Variants in CCR3 observed in about 807,000 individuals in gnomAD.
CCR3 encodes C-C motif chemokine receptor 3.
For missense variants in CCR3, 419 were observed against 437.5 expected (o/e 0.96, Z 0.38); for synonymous variants, 203 against 179.2 (o/e 1.13, Z -1.06).
chr3:46,231,288 A>T (rs540794676), intron 2 of CCR3, among the ~76,000 whole-genome samples: 1 of 152,258 alleles, frequency 6.6e-6, no homozygotes, highest in East Asian at 1.9e-4. Flanking sequence ...ACAGCACTCC[A>T]TATGGAAATG....
At chr3:46,264,358 A>G in intron 1 of CCR3, 1 of 1,283,096 alleles carries the variant, frequency 7.8e-7, no homozygotes. Context: ...GTACATGTGT[A>G]ACAGACAAAA....
At chr3:46,219,818 TCA>T (rs1699814741) in intron 2 of CCR3, among the ~76,000 whole-genome samples, 1 of 152,118 alleles carries the variant, frequency 6.6e-6, no homozygotes, top group African/African-American at 2.4e-5. Flanking sequence ...TCCTCATCTC[TCA>T]CCTTAGACAA....
At chr3:46,224,840 T>C (rs1380210890) in intron 2 of CCR3, among the ~76,000 whole-genome samples, 1 of 151,680 alleles carries the variant, frequency 6.6e-6, no homozygotes, top group Non-Finnish European at 1.5e-5. Context: ...TCTCACACCA[T>C]GCTGGTGCAA....
chr3:46,235,605 G>A (rs559745085), intron 2 of CCR3, among the ~76,000 whole-genome samples: 8 of 152,204 alleles, frequency 5.3e-5, no homozygotes, highest in Non-Finnish European at 1.0e-4. Flanking sequence ...TGTATAGAGT[G>A]CCCTTGACAT....
In CCR3 at chr3:46,232,561, A is replaced by G. The variant is rs1699977451; in HGVS notation, c.-67-9841A>G. ...CCCTGTGTGCTCAGTCATTGGAAGC[A>G]CAACATTGATTTCAGAGCCTGCAGA... On this transcript the variant is annotated intron_variant, in intron 2 of 3. Coordinates refer to the CCR3 transcript ENST00000357422. Among the ~76,000 whole-genome samples the G allele has an allele frequency of 2.0e-5, 3 of 152,232 alleles. No homozygotes were observed. In the South Asian group the frequency reaches 6.2e-4, roughly 32 times the overall value.
intron 2 of CCR3, among the ~76,000 whole-genome samples, chr3:46,231,948 A>G (rs1024096446): frequency 8.5e-5 from 13 of 152,332 alleles, no homozygotes; most frequent in Non-Finnish European, 8.8e-5. Flanking sequence ...GGAAATAAGA[A>G]CTTCACATAT....
chr3:46,235,427 G>C (rs1700013769), intron 2 of CCR3, among the ~76,000 whole-genome samples: 1 of 152,146 alleles, frequency 6.6e-6, no homozygotes, highest in Non-Finnish European at 1.5e-5. Context: ...CTTCTCATAG[G>C]CTAGCTCACC....
intron 1 of CCR3, among the ~76,000 whole-genome samples, chr3:46,259,732 G>A (rs1047286242): frequency 2.0e-5 from 3 of 152,158 alleles, no homozygotes; most frequent in Non-Finnish European, 4.4e-5. Context: ...AAAAAAGACT[G>A]TATGTAGAAT....
chr3:46,244,367 A>C (rs1235007627), intron 1 of CCR3, among the ~76,000 whole-genome samples: 1 of 152,232 alleles, frequency 6.6e-6, no homozygotes, highest in Non-Finnish European at 1.5e-5. Flanking sequence ...CAAGTGTACT[A>C]TCTTTCATGC....
intron 1 of CCR3, among the ~76,000 whole-genome samples, chr3:46,243,697 G>C (rs908624777): frequency 6.6e-6 from 1 of 152,164 alleles, no homozygotes; most frequent in Non-Finnish European, 1.5e-5. Flanking sequence ...TCCAGAAAAT[G>C]GTGATGATTA....
chr3:46,246,877 A>T lies in CCR3; in HGVS notation c.-12+4339A>T, dbSNP rs1200885226. 2.6e-5 allele frequency among the ~76,000 whole-genome samples: 4 copies of T among 152,140 alleles called. No homozygotes were observed. In the East Asian group the frequency reaches 7.7e-4, roughly 29 times the overall value. ...GATTAGGGGCGGCGTGGGAACCTAGAGTGGGAGAGATTAAGCTGAAGGGAG... is the reference window on the plus strand; with the variant it reads ...GATTAGGGGCGGCGTGGGAACCTAGTGTGGGAGAGATTAAGCTGAAGGGAG... On this transcript the variant is annotated intron_variant, in intron 1 of 1. Transcript: ENST00000395940.
intron 2 of CCR3, among the ~76,000 whole-genome samples, chr3:46,234,573 G>T (rs1040929038): frequency 6.6e-6 from 1 of 152,100 alleles, no homozygotes; most frequent in Non-Finnish European, 1.5e-5. Context: ...ATTCTATAAA[G>T]CTTAGTCTTG....
chr3:46,253,779 G>C (rs1191151952), intron 1 of CCR3, among the ~76,000 whole-genome samples: 1 of 152,126 alleles, frequency 6.6e-6, no homozygotes, highest in African/African-American at 2.4e-5. Flanking sequence ...GGTAAATTTT[G>C]TGTTGATGCC....
chr3:46,231,712 C>CAGGG (rs1699968234), intron 2 of CCR3, among the ~76,000 whole-genome samples: 1 of 152,180 alleles, frequency 6.6e-6, no homozygotes, highest in African/African-American at 2.4e-5. Context: ...GAGGGTTTCA[C>CAGGG]AGGGGTATAT....
intron 1 of CCR3, among the ~76,000 whole-genome samples, chr3:46,251,450 G>T (rs999320262): frequency 4.6e-5 from 7 of 152,152 alleles, no homozygotes; most frequent in Non-Finnish European, 1.0e-4. Flanking sequence ...AGTAAAAAGA[G>T]GCCGCTTACT....
chr3:46,264,587 C>A (rs1269832450), intron 1 of CCR3: 1 of 612,444 alleles, frequency 1.6e-6, no homozygotes, highest in Non-Finnish European at 2.8e-6. Context: ...GGATTTTGAA[C>A]AAATTACTAA....
intron 1 of CCR3, among the ~76,000 whole-genome samples, chr3:46,242,963 G>GTATATATATATATACACATA (rs1553644057): frequency 0.023 from 2,016 of 86,224 alleles, 108 homozygotes; most frequent in African/African-American, 0.089. Context: ...ATATATATGT[G>GTATATATATATATACACATA]TATATATATA....
upstream of CCR3, among the ~76,000 whole-genome samples, chr3:46,241,600 A>G (rs1429423583): frequency 6.6e-6 from 1 of 152,216 alleles, no homozygotes; most frequent in East Asian, 1.9e-4. Flanking sequence ...CGGCAATGCT[A>G]TGACTTAAAT....
At chr3:46,215,993 T>C (rs1245174777) in intron 2 of CCR3, among the ~76,000 whole-genome samples, 3 of 152,162 alleles carry the variant, frequency 2.0e-5, no homozygotes, top group Non-Finnish European at 2.9e-5. Flanking sequence ...GTTCCAGCAC[T>C]GAGTTGGTGA....
Sources: gnomAD v4.1 joint callset for allele counts (sites outside exome capture counted in the v4.1 genomes callset) on GRCh38, gnomAD v4.1.1 for gene constraint, MANE v1.5 for transcripts, NCBI Gene and HGNC (gene_info 2026-07-23, HGNC 2026-07-21) for gene names.